BLVRA: variants seen among roughly 807,000 people sequenced by gnomAD.
The protein encoded by BLVRA is BVR A.
Under a neutral mutation model 32.8 loss-of-function variants are expected in BLVRA, and 22 were observed. That is an observed-to-expected ratio of 0.67 (90% CI 0.48 to 0.96). The LOEUF (loss-of-function observed/expected upper bound fraction) is 0.96, where lower values mean the gene tolerates loss of function less well. Ranked by LOEUF, BLVRA falls within the 40% of genes least tolerant of loss-of-function variation. The pLI is 0.00. For synonymous variants in BLVRA, 119 were observed against 141.3 expected, an observed-to-expected ratio of 0.84 and a Z score of 1.12; for missense variants, 323 against 358.1, an observed-to-expected ratio of 0.90 and a Z score of 0.79.
At chr7:43,790,973 G>A (rs2132579246) in intron 3 of BLVRA, among the ~76,000 whole-genome samples, 1 of 152,254 alleles carries the variant, frequency 6.6e-6, no homozygotes, top group South Asian at 2.1e-4. Context: ...GCGCCCAGCT[G>A]TTTCTTTTGT....
chr7:43,798,890 CAT>C (rs1395017234), intron 5 of BLVRA, among the ~76,000 whole-genome samples: 3 of 151,364 alleles, frequency 2.0e-5, no homozygotes, highest in African/African-American at 7.3e-5. Context: ...CTGGAAAATA[CAT>C]AGTTTCTTTA....
intron 5 of BLVRA, among the ~76,000 whole-genome samples, chr7:43,794,482 C>G (rs1449450554): frequency 1.3e-5 from 2 of 152,154 alleles, no homozygotes; most frequent in African/African-American, 4.8e-5. Context: ...AGCCTGTAAT[C>G]CCAGGACTTG....
intron 2 of BLVRA, among the ~76,000 whole-genome samples, chr7:43,774,316 T>A (rs933536135): frequency 7.9e-5 from 12 of 152,198 alleles, no homozygotes; most frequent in Admixed American, 4.6e-4. Flanking sequence ...AATTTTTGTA[T>A]AAGGTGTAAG....
chr7:43,758,893 G>T (rs1043793276), intron 1 of BLVRA, among the ~76,000 whole-genome samples, 159 bp downstream of exon 1: 7 of 151,674 alleles, frequency 4.6e-5, no homozygotes, highest in African/African-American at 1.7e-4. Context: ...CGCCTGCCCC[G>T]CCCCGCCCCG....
In BLVRA at chr7:43,771,242, CTCCAT is replaced by C. The variant is rs1187716058; in HGVS notation, c.12+76_12+80del. The C allele has an allele frequency of 2.0e-6, 3 of 1,529,688 alleles. No homozygotes were observed. The African/African-American group carries it at 4.1e-5, about 21-fold the overall frequency. The allele number at this position is 1,529,688 out of a possible 1,614,324, so 94.8% of individuals were successfully genotyped here. On this transcript the variant is annotated intron_variant, in intron 2 of 7. Coordinates refer to ENST00000265523, the MANE Select transcript of BLVRA (RefSeq NM_000712.4). ...GTCCCTCATTTCTCCTTTGCAGAGTCTCCATTCCCTTTCAGAAACATCAGCACAAA... is the reference window on the plus strand; with the variant it reads ...GTCCCTCATTTCTCCTTTGCAGAGTCTCCCTTTCAGAAACATCAGCACAAA...
At chr7:43,803,166 C>G (rs181752664) in intron 6 of BLVRA, among the ~76,000 whole-genome samples, 17 of 152,278 alleles carry the variant, frequency 1.1e-4, no homozygotes, top group Admixed American at 8.5e-4. Flanking sequence ...TATTATAATA[C>G]CTTCATACCT....
chr7:43,806,476 T>C (rs1289190590), intron 7 of BLVRA, among the ~76,000 whole-genome samples: 1 of 152,222 alleles, frequency 6.6e-6, no homozygotes, highest in Non-Finnish European at 1.5e-5. Context: ...GTGCAGTGGC[T>C]CACGCCTGTA....
rs2095785654 is a variant in BLVRA, at chr7:43,791,318, G to A, written c.204G>A (p.Val68=). ...SLEDALSSQE[V]EVAYICSESS... ...AGGATGCTCTTTCCAGCCAAGAGGT[G>A]GAGGTCGCCTATATCTGCAGTGAGA... Residue 68 remains valine, a synonymous_variant, in exon 4 of 8, where the codon GTG becomes GTA. Coordinates refer to ENST00000265523, the MANE Select transcript of BLVRA (RefSeq NM_000712.4). 1.2e-6 allele frequency: 2 copies of A among 1,614,184 alleles called. No individual in the cohort carries two copies. The highest frequency in any genetic ancestry group is 1.3e-5 in the African/African-American group (1 of 75,048).
At chr7:43,799,171 A>C (rs1160387082) in intron 5 of BLVRA, among the ~76,000 whole-genome samples, 3 of 152,200 alleles carry the variant, frequency 2.0e-5, no homozygotes, top group Non-Finnish European at 4.4e-5. Context: ...CACACACCTG[A>C]CATTTCTGGA....
intron 2 of BLVRA, among the ~76,000 whole-genome samples, chr7:43,782,985 AG>A (rs2095771934): frequency 6.6e-6 from 1 of 151,850 alleles, no homozygotes; most frequent in African/African-American, 2.4e-5. Flanking sequence ...GTCATTGGAC[AG>A]GGCAGGGGCA....
intron 2 of BLVRA, among the ~76,000 whole-genome samples, chr7:43,777,995 A>C (rs2095763474): frequency 1.3e-5 from 2 of 152,140 alleles, no homozygotes; most frequent in African/African-American, 4.8e-5. Context: ...CAGCTCCATC[A>C]GCTCCTTTAA....
Position 43,764,707 on chromosome 7 carries a change from G to A in BLVRA, c.-22+5973G>A, listed in dbSNP as rs1342414315. ...GTTTGCTTGCGGAGCCAGAAGAGAA[G>A]CTAAAAACCTTCAGTTAACCAAGCC... is the stretch of plus-strand genomic sequence containing the variant. On this transcript the variant is annotated intron_variant, in intron 1 of 7. Transcript: ENST00000265523. Among the ~76,000 whole-genome samples the A allele has an allele frequency of 2.0e-5, 3 of 152,216 alleles. No individual in the cohort carries two copies. The East Asian group carries it at 5.8e-4, about 29-fold the overall frequency.
chr7:43,758,342 G>A (rs1178165973), upstream of BLVRA, among the ~76,000 whole-genome samples: 1 of 151,706 alleles, frequency 6.6e-6, no homozygotes, highest in East Asian at 2.0e-4. Flanking sequence ...CCCCCCCCAC[G>A]CCGGGGCCAG....
At chr7:43,786,610 C>G (rs538304086) in intron 2 of BLVRA, among the ~76,000 whole-genome samples, 1 of 152,182 alleles carries the variant, frequency 6.6e-6, no homozygotes, top group Non-Finnish European at 1.5e-5. Context: ...GAACATTAAC[C>G]AAGGTAGACC....
chr7:43,804,905 G>A (rs1012723826), intron 7 of BLVRA, among the ~76,000 whole-genome samples: 5 of 152,204 alleles, frequency 3.3e-5, no homozygotes, highest in Non-Finnish European at 7.3e-5. Flanking sequence ...TTGAGTTCCT[G>A]AATGAAGCCT....
intron 1 of BLVRA, 149 bp downstream of exon 1, chr7:43,758,883 C>T (rs1410911841): frequency 6.6e-6 from 1 of 151,892 alleles, no homozygotes; most frequent in Admixed American, 6.6e-5. Context: ...GCCTGGGCGC[C>T]GCCTGCCCCG....
At chr7:43,770,159 T>C (rs1265293087) in intron 1 of BLVRA, among the ~76,000 whole-genome samples, 1 of 152,118 alleles carries the variant, frequency 6.6e-6, no homozygotes, top group Non-Finnish European at 1.5e-5. Context: ...CTAGGAGTGG[T>C]CATCGTCATC....
chr7:43,766,076 T>G (rs1470202100), intron 1 of BLVRA, among the ~76,000 whole-genome samples: 1 of 152,032 alleles, frequency 6.6e-6, no homozygotes, highest in Non-Finnish European at 1.5e-5. Context: ...TCACCTGAGG[T>G]GAGGAGTTCC....
chr7:43,779,971 T>C (rs542813263), intron 2 of BLVRA, among the ~76,000 whole-genome samples: 1 of 152,076 alleles, frequency 6.6e-6, no homozygotes, highest in Non-Finnish European at 1.5e-5. Context: ...CCTCCCGGGT[T>C]CATGCGATTC....
Sources: allele counts gnomAD v4.1 joint callset (sites outside exome capture counted in the v4.1 genomes callset), GRCh38; gene constraint gnomAD v4.1.1; transcripts MANE v1.5; gene names NCBI Gene and HGNC (gene_info 2026-07-23, HGNC 2026-07-21).